The following PCDH11X variants were observed in gnomAD, a reference collection of about 807,000 sequenced individuals.
PCDH11X encodes protocadherin-11 X-linked.
In PCDH11X, 18 loss-of-function variants were observed where a neutral mutation model predicts 53.3. The ratio of observed to expected loss-of-function variants is 0.34; its 90% CI spans 0.23 to 0.50. The LOEUF is 0.50. Among genes scored for constraint, PCDH11X ranks in the 20% least tolerant of loss-of-function variants. The pLI, the probability that PCDH11X is intolerant of heterozygous loss-of-function variation, is 0.98. For missense variants in PCDH11X, 570 were observed against 1,032.4 expected (o/e 0.55, Z 6.14); for synonymous variants, 279 against 393.3 (o/e 0.71, Z 3.44).
At chrX:92,225,321 C>T (rs1208586140) in intron 7 of PCDH11X, among the ~76,000 whole-genome samples, 1 of 82,037 alleles carries the variant, frequency 1.2e-5, no homozygotes, top group Non-Finnish European at 2.3e-5. Flanking sequence ...TTTCACTTAA[C>T]ACAATAATTC....
Position 91,860,527 on chromosome X carries a change from C to T in PCDH11X, c.541-16254C>T, listed in dbSNP as rs748563565. On this transcript the variant is annotated intron_variant, in intron 5 of 10. Coordinates refer to ENST00000682573, the MANE Select transcript of PCDH11X (RefSeq NM_032968.5). ...GAATAGGAGTGGTGAGAGAGGGCATCCTTGTCTTGTGCCGGTTTTCAGGGG... is the reference window on the plus strand; with the variant it reads ...GAATAGGAGTGGTGAGAGAGGGCATTCTTGTCTTGTGCCGGTTTTCAGGGG... Among the ~76,000 whole-genome samples, 261 of 111,455 alleles carry T rather than the reference C, an allele frequency of 2.3e-3. 2 individuals carry two copies. The highest frequency in any genetic ancestry group is 1.4e-3 in the East Asian group (5 of 3,540).
At chrX:92,308,338 A>C (rs1196853977) in intron 8 of PCDH11X, among the ~76,000 whole-genome samples, 1 of 111,592 alleles carries the variant, frequency 9.0e-6, no homozygotes, top group African/African-American at 3.3e-5. Flanking sequence ...AATCCCAGTA[A>C]TAAACTATCA....
At chrX:92,282,515 G>A (rs1037304774) in intron 8 of PCDH11X, among the ~76,000 whole-genome samples, 3 of 111,695 alleles carry the variant, frequency 2.7e-5, no homozygotes, top group South Asian at 3.7e-4. Flanking sequence ...AATATTGTAC[G>A]TATGATGAAG....
At chrX:92,605,880 C>A (rs1389670376) in intron 10 of PCDH11X, among the ~76,000 whole-genome samples, 1 of 110,152 alleles carries the variant, frequency 9.1e-6, no homozygotes, top group Non-Finnish European at 1.9e-5. Context: ...AAGATGCAAT[C>A]CTTCACAAAT....
chrX:92,003,076 G>A (rs146628928), intron 6 of PCDH11X, among the ~76,000 whole-genome samples: 4 of 103,566 alleles, frequency 3.9e-5, no homozygotes, highest in African/African-American at 7.0e-5. Context: ...CTATTCCCAG[G>A]TTTTTTAGGG....
chrX:91,878,167 G>A lies in PCDH11X; in HGVS notation c.1927G>A (p.Val643Ile). 1.7e-6 allele frequency: 2 copies of A among 1,206,805 alleles called. No individual in the cohort carries two copies. Among genetic ancestry groups the A allele is most frequent in the Non-Finnish European group, 2.2e-6 (2 of 892,750 alleles). ...AAAACAAGAATCTTACACTTTCTAT[G>A]TAAAGGCTGAGGATGGTGGTAGAGT... ...REKQESYTFY[V>I]KAEDGGRVSR... is the part of the protein sequence containing the mutation. The change falls in exon 6 of 11, where the codon GTA (valine) becomes ATA (isoleucine). Residue 643 changes from valine (V) to isoleucine (I), a missense_variant. Val to Ile is a conservative substitution (Grantham distance 29). Coordinates refer to ENST00000682573, the MANE Select transcript of PCDH11X (RefSeq NM_032968.5).
intron 8 of PCDH11X, among the ~76,000 whole-genome samples, chrX:92,280,359 A>G (rs150576690): frequency 0.047 from 5,188 of 109,528 alleles, 204 homozygotes; most frequent in East Asian, 0.26. Context: ...GACCAGCCTG[A>G]CCAACATGGT....
chrX:91,939,276 A>G (rs778172192), intron 6 of PCDH11X, among the ~76,000 whole-genome samples: 26 of 111,357 alleles, frequency 2.3e-4, no homozygotes, highest in Admixed American at 2.0e-3. Flanking sequence ...ATGAAGACAT[A>G]GCAATACAAA....
chrX:92,098,636 CTTTTTTTT>C (rs34306564), intron 6 of PCDH11X, among the ~76,000 whole-genome samples: 1 of 43,902 alleles, frequency 2.3e-5, no homozygotes, highest in African/African-American at 9.7e-5. Flanking sequence ...TCCAAATGCT[CTTTTTTTT>C]TTTTTTTTTT....
At chrX:92,208,366 T>C (rs778017646) in intron 7 of PCDH11X, among the ~76,000 whole-genome samples, 228 of 101,313 alleles carry the variant, frequency 2.3e-3, no homozygotes, top group African/African-American at 7.8e-3. Flanking sequence ...GATGAGGAAA[T>C]TGGGGAACAG....
intron 8 of PCDH11X, among the ~76,000 whole-genome samples, chrX:92,360,073 A>G (rs943342814): frequency 1.8e-5 from 2 of 111,014 alleles, no homozygotes; most frequent in African/African-American, 6.5e-5. Context: ...ATCTGAATAT[A>G]AAAGATCTGA....
At chrX:92,035,550 T>C (rs1233039024) in intron 6 of PCDH11X, among the ~76,000 whole-genome samples, 1 of 78,591 alleles carries the variant, frequency 1.3e-5, no homozygotes, top group Non-Finnish European at 2.4e-5. Context: ...TTCTTCTCTC[T>C]TGCTGCTTTT....
At position 91,898,112 on chromosome X, in the gene PCDH11X, TA is replaced by T. The variant is rs761629038; in HGVS notation, c.3033+18846del. On this transcript the variant is annotated intron_variant, in intron 6 of 10. Transcript: ENST00000682573. ...ATCATGAGGAGTAAATGAGATAGTA[TA>T]AAAAAATGTACATAGCACAGCATAA... Among the ~76,000 whole-genome samples, 13 of 111,074 alleles carry T rather than the reference TA, an allele frequency of 1.2e-4. No individual in the cohort carries two copies. The East Asian group carries it at 2.8e-3, about 24-fold the overall frequency.
intron 8 of PCDH11X, among the ~76,000 whole-genome samples, chrX:92,310,266 T>C (rs1408723873): frequency 8.9e-6 from 1 of 112,665 alleles, no homozygotes; most frequent in East Asian, 2.8e-4. Context: ...TTATGTTTAA[T>C]TAAATTTGGG....
chrX:92,297,552 C>G (rs1329031470), intron 8 of PCDH11X, among the ~76,000 whole-genome samples: 1 of 111,373 alleles, frequency 9.0e-6, no homozygotes, highest in Non-Finnish European at 1.9e-5. Flanking sequence ...TACTGTGTAG[C>G]CTTGTAATAT....
intron 5 of PCDH11X, among the ~76,000 whole-genome samples, chrX:91,866,537 A>T (rs1938998140): frequency 9.0e-6 from 1 of 111,417 alleles, no homozygotes; most frequent in Admixed American, 9.5e-5. Context: ...TCAATGGCTC[A>T]CAATTGCTGT....
At chrX:92,359,738 A>T (rs1388610303) in intron 8 of PCDH11X, among the ~76,000 whole-genome samples, 1 of 110,729 alleles carries the variant, frequency 9.0e-6, no homozygotes, top group Non-Finnish European at 1.9e-5. Context: ...ATCTTACTAT[A>T]GCAAGCAAAC....
intron 10 of PCDH11X, among the ~76,000 whole-genome samples, chrX:92,616,986 G>A (rs970342261): frequency 4.5e-5 from 5 of 110,469 alleles, no homozygotes; most frequent in Non-Finnish European, 9.5e-5. Context: ...ATGTGTCTGT[G>A]AATAGATACA....
At chrX:92,480,271 C>A (rs2073474576) in intron 10 of PCDH11X, among the ~76,000 whole-genome samples, 1 of 111,397 alleles carries the variant, frequency 9.0e-6, no homozygotes, top group African/African-American at 3.3e-5. Flanking sequence ...ATGATTCTTA[C>A]CTTCTTTGAA....
Sources: gnomAD v4.1 joint callset for allele counts (sites outside exome capture counted in the v4.1 genomes callset) on GRCh38, gnomAD v4.1.1 for gene constraint, MANE v1.5 for transcripts, NCBI Gene and HGNC (gene_info 2026-07-23, HGNC 2026-07-21) for gene names.